PCDHGB1: variants seen among roughly 807,000 people sequenced by gnomAD.
The protein encoded by PCDHGB1 is protocadherin gamma-B1.
A neutral mutation model predicts 56.6 loss-of-function variants in PCDHGB1; 34 were observed. The ratio of observed to expected loss-of-function variants is 0.60; its 90% confidence interval spans 0.46 to 0.80. The LOEUF is 0.80. PCDHGB1 is among the 30% of genes least tolerant of loss of function. The probability of loss-of-function intolerance (pLI) is 0.00; values close to 1 mark genes in which losing one functional copy is unlikely to be tolerated. For synonymous variants in PCDHGB1, 561 were observed against 505.9 expected (o/e 1.11, Z -1.46); for missense variants, 1,278 against 1,204.6 (o/e 1.06, Z -0.90).
At chr5:141,357,472 T>C in intron 1 of PCDHGB1, 1 of 1,614,168 alleles carries the variant, frequency 6.2e-7, no homozygotes, top group Non-Finnish European at 8.5e-7. Context: ...CCACGAGGTC[T>C]CCCTCACCGC....
chr5:141,410,793 G>T, intron 1 of PCDHGB1: 2 of 637,704 alleles, frequency 3.1e-6, no homozygotes, highest in Admixed American at 4.3e-5. Flanking sequence ...TGGTTCATAA[G>T]TTGCTCTATC....
At chr5:141,467,273 G>T (rs879618653) in intron 1 of PCDHGB1, among the ~76,000 whole-genome samples, 1 of 151,828 alleles carries the variant, frequency 6.6e-6, no homozygotes, top group Admixed American at 6.6e-5. Context: ...GGCTGGTCTC[G>T]AACTCTTGAC....
Position 141,389,991 on chromosome 5 carries a change from G to C in PCDHGB1, c.2409+37322G>C, listed in dbSNP as rs561094692. The C allele has an allele frequency of 4.3e-6, 7 of 1,613,898 alleles. No homozygotes were observed. The Admixed American group carries it at 5.0e-5, about 12-fold the overall frequency. ...GGCCTTGATCTCAGTGCTCTTCCTC[G>C]TGGCCATGATTCTGGCCATTGCCTT... On this transcript the variant is annotated intron_variant, in intron 1 of 3. Transcript: ENST00000523390.
At chr5:141,425,802 C>T (rs966768224) in intron 1 of PCDHGB1, among the ~76,000 whole-genome samples, 6 of 152,160 alleles carry the variant, frequency 3.9e-5, no homozygotes, top group African/African-American at 1.4e-4. Context: ...ATGTGCATTG[C>T]TTCTGCTTAG....
chr5:141,471,065 T>C (rs1355886133), intron 1 of PCDHGB1, among the ~76,000 whole-genome samples: 3 of 148,628 alleles, frequency 2.0e-5, no homozygotes, highest in Non-Finnish European at 3.0e-5. Context: ...TTTTTTTTTT[T>C]TGAGACAGGG....
intron 1 of PCDHGB1, chr5:141,382,891 A>C (rs1428861059): frequency 6.5e-7 from 1 of 1,533,794 alleles, no homozygotes; most frequent in Non-Finnish European, 8.8e-7. Flanking sequence ...CAAGAGAAGC[A>C]GGACGACTAT....
At chr5:141,402,976 G>C in intron 1 of PCDHGB1, 5 of 1,608,120 alleles carry the variant, frequency 3.1e-6, no homozygotes, top group Non-Finnish European at 4.2e-6. Context: ...CCAAATGCCA[G>C]CTCCGCGGAA....
At chr5:141,406,273 G>A (rs1366399912) in intron 1 of PCDHGB1, among the ~76,000 whole-genome samples, 2 of 151,898 alleles carry the variant, frequency 1.3e-5, no homozygotes, top group Non-Finnish European at 2.9e-5. Context: ...TCCTGCTTCA[G>A]TTTCCCAAAG....
intron 1 of PCDHGB1, among the ~76,000 whole-genome samples, chr5:141,369,464 C>G (rs1013896891): frequency 6.6e-6 from 1 of 152,072 alleles, no homozygotes; most frequent in African/African-American, 2.4e-5. Flanking sequence ...GCCAGGTGTT[C>G]TAGCCCAGCC....
chr5:141,426,542 T>C, intron 1 of PCDHGB1: 1 of 347,918 alleles, frequency 2.9e-6, no homozygotes, highest in South Asian at 2.2e-5. Context: ...AACATACTTG[T>C]GAGTGACAGA....
chr5:141,431,408 G>A lies in PCDHGB1; in HGVS notation c.2410-63399G>A. ...CCACCTGGTCCTTACGGCCTCCGAC[G>A]GGGGCGACCCGGTGCGCACAGGCAC... On this transcript the variant is annotated intron_variant, in intron 1 of 3. Transcript: ENST00000523390. The surrounding 1 kb of genome is among the most constrained non-coding windows in gnomAD (Gnocchi z 4.8). 6.2e-7 allele frequency: 1 copy of A among 1,613,718 alleles called. No individual in the cohort carries two copies. The highest frequency in any genetic ancestry group is 2.2e-5 in the East Asian group (1 of 44,882).
At chr5:141,388,112 C>T (rs1399745232) in intron 1 of PCDHGB1, 1 of 1,408,080 alleles carries the variant, frequency 7.1e-7, no homozygotes, top group South Asian at 1.2e-5. Flanking sequence ...CTTACTTCAC[C>T]GTGAGCGCAG....
At position 141,489,369 on chromosome 5, in the gene PCDHGB1, G is replaced by A. The variant is rs371328808; in HGVS notation, c.2410-5438G>A. The A allele has an allele frequency of 4.5e-5, 73 of 1,613,474 alleles. No individual in the cohort carries two copies. Among genetic ancestry groups the A allele is most frequent in the African/African-American group, 4.1e-4 (31 of 74,894 alleles). ...TGGTGGAGGAGTCTGAGCCGGGGACGCTGGTGGGGAATGTTGCTCAGGATC... is the reference window on the plus strand; with the variant it reads ...TGGTGGAGGAGTCTGAGCCGGGGACACTGGTGGGGAATGTTGCTCAGGATC... On this transcript the variant is annotated intron_variant, in intron 1 of 3. Transcript: ENST00000523390. This position sits in a 1 kb window ranked among gnomAD's most constrained non-coding sequence, Gnocchi z 4.5.
chr5:141,485,561 G>A lies in PCDHGB1; in HGVS notation c.2410-9246G>A. 1.9e-6 allele frequency: 3 copies of A among 1,613,008 alleles called. No homozygotes were observed. The highest frequency in any genetic ancestry group is 1.1e-5 in the South Asian group (1 of 91,026). ...AGAGATCGTAGATGTGAATGATCACGCCCCCCGTTTTCCGCGGCAGCAGCT... is the reference window on the plus strand; with the variant it reads ...AGAGATCGTAGATGTGAATGATCACACCCCCCGTTTTCCGCGGCAGCAGCT... On this transcript the variant is annotated intron_variant, in intron 1 of 3. Transcript: ENST00000523390. The surrounding 1 kb of genome is among the most constrained non-coding windows in gnomAD (Gnocchi z 5.7).
intron 1 of PCDHGB1, chr5:141,365,931 C>T (rs1221190365): frequency 6.2e-7 from 1 of 1,614,112 alleles, no homozygotes; most frequent in African/African-American, 1.3e-5. Flanking sequence ...TGGGTGACAG[C>T]CAGCGACAGT....
Position 141,436,164 on chromosome 5 carries a change from A to G in PCDHGB1, c.2410-58643A>G, listed in dbSNP as rs896845015. Among the ~76,000 whole-genome samples, 8 of 152,188 alleles carry G rather than the reference A, an allele frequency of 5.3e-5. No homozygotes were observed. The East Asian group carries it at 1.3e-3, about 26-fold the overall frequency. ...AACTACCAAAATGTTTATCATATGG[A>G]CAGTTCTCATATATAGTCAAATAGA... On this transcript the variant is annotated intron_variant, in intron 1 of 3. Transcript: ENST00000523390.
intron 1 of PCDHGB1, among the ~76,000 whole-genome samples, chr5:141,438,635 TAC>T (rs56854727): frequency 0.14 from 4,591 of 32,686 alleles, 460 homozygotes; most frequent in Middle Eastern, 0.21. Flanking sequence ...TATATATATA[TAC>T]ACACACACAC....
chr5:141,477,573 C>T lies in PCDHGB1; in HGVS notation c.2410-17234C>T, dbSNP rs1593790046. The T allele has an allele frequency of 6.2e-7, 1 of 1,614,056 alleles. No individual in the cohort carries two copies. Among genetic ancestry groups the T allele is most frequent in the South Asian group, 1.1e-5 (1 of 91,086 alleles). ...AACCTAAGTGTCTGGGACCCCGACGCCCCGCAGAATGCTCGGCTTTCTTTC... is the reference window on the plus strand; with the variant it reads ...AACCTAAGTGTCTGGGACCCCGACGTCCCGCAGAATGCTCGGCTTTCTTTC... On this transcript the variant is annotated intron_variant, in intron 1 of 3. Coordinates refer to ENST00000523390, the MANE Select transcript of PCDHGB1 (RefSeq NM_018922.3). This position sits in a 1 kb window ranked among gnomAD's most constrained non-coding sequence, Gnocchi z 4.9.
intron 1 of PCDHGB1, among the ~76,000 whole-genome samples, chr5:141,434,571 T>C (rs2154556263): frequency 6.6e-6 from 1 of 152,374 alleles, no homozygotes; most frequent in South Asian, 2.1e-4. Flanking sequence ...GACATGCCCC[T>C]GCTGCAGATA....
Sources: gnomAD v4.1 joint callset for allele counts (sites outside exome capture counted in the v4.1 genomes callset) on GRCh38, gnomAD v4.1.1 for gene constraint, Gnocchi (gnomAD v3.1) non-coding constraint, MANE v1.5 for transcripts, NCBI Gene and HGNC (gene_info 2026-07-23, HGNC 2026-07-21) for gene names.